Variants in ITGA6 observed in about 807,000 individuals in gnomAD.
ITGA6 encodes the protein integrin alpha-6.
A neutral mutation model predicts 133.6 loss-of-function variants in ITGA6; 63 were observed. The ratio of observed to expected loss-of-function variants is 0.47; its 90% CI spans 0.38 to 0.58. The LOEUF (loss-of-function observed/expected upper bound fraction) is 0.58. Ranked by LOEUF, ITGA6 falls within the 20% of genes least tolerant of loss-of-function variation. The pLI, the probability that ITGA6 is intolerant of heterozygous loss-of-function variation, is 0.00. For synonymous variants in ITGA6, 434 were observed against 482.0 expected (o/e 0.90, Z 1.30); for missense variants, 1,068 against 1,309.4 (o/e 0.82, Z 2.85).
chr2:172,456,480 C>T (rs938426875), intron 1 of ITGA6, among the ~76,000 whole-genome samples: 3 of 152,190 alleles, frequency 2.0e-5, no homozygotes, highest in East Asian at 1.9e-4. Flanking sequence ...AACTAGGACA[C>T]GTTTAATGAA....
chr2:172,449,130 G>A (rs1684882276), intron 1 of ITGA6, among the ~76,000 whole-genome samples: 1 of 152,196 alleles, frequency 6.6e-6, no homozygotes, highest in South Asian at 2.1e-4. Context: ...GATGGAGGAG[G>A]AGGGCTCCCA....
intron 1 of ITGA6, among the ~76,000 whole-genome samples, chr2:172,439,310 T>C (rs1684446827): frequency 1.3e-5 from 2 of 152,070 alleles, no homozygotes; most frequent in South Asian, 4.1e-4. Context: ...AATGGCCTTG[T>C]TGAATTGTCA....
At position 172,448,708 on chromosome 2, in the gene ITGA6, G is replaced by A. The variant is rs147440317; in HGVS notation, c.183-16831G>A. On this transcript the variant is annotated intron_variant, in intron 1 of 25. Coordinates refer to ENST00000684293, the MANE Select transcript of ITGA6 (RefSeq NM_000210.4). ...GCCTCAGCCTTTTAACCAACTTTCTGTGTAAACATGAAAATTCCGGGCTGG... is the reference window on the plus strand; with the variant it reads ...GCCTCAGCCTTTTAACCAACTTTCTATGTAAACATGAAAATTCCGGGCTGG... 4.5e-3 allele frequency among the ~76,000 whole-genome samples: 685 copies of A among 152,294 alleles called. 5 individuals carry two copies. Among genetic ancestry groups the A allele is most frequent in the African/African-American group, 0.016 (657 of 41,548 alleles).
intron 1 of ITGA6, among the ~76,000 whole-genome samples, chr2:172,431,558 T>C (rs1684106859): frequency 6.6e-6 from 1 of 152,188 alleles, no homozygotes; most frequent in African/African-American, 2.4e-5. Flanking sequence ...CATTCCCTTC[T>C]GAAAAAGCCC....
At chr2:172,450,077 C>G (rs759111411) in intron 1 of ITGA6, among the ~76,000 whole-genome samples, 2 of 152,112 alleles carry the variant, frequency 1.3e-5, no homozygotes, top group Non-Finnish European at 2.9e-5. Flanking sequence ...CTGCTATGTT[C>G]AAAGGACAGA....
intron 1 of ITGA6, among the ~76,000 whole-genome samples, chr2:172,462,171 A>G (rs1685452491): frequency 1.3e-5 from 2 of 152,012 alleles, no homozygotes; most frequent in Admixed American, 1.3e-4. Context: ...GGGTTCTGCC[A>G]CCTTATCGCG....
chr2:172,470,007 T>C (rs1053635448), intron 4 of ITGA6, among the ~76,000 whole-genome samples: 4 of 152,214 alleles, frequency 2.6e-5, no homozygotes, highest in East Asian at 1.9e-4. Flanking sequence ...TGTGTATGTA[T>C]AGAAAATGCT....
intron 24 of ITGA6, 124 bp downstream of exon 24, chr2:172,498,224 T>C (rs1687209613): frequency 1.0e-6 from 1 of 1,003,974 alleles, no homozygotes; most frequent in Non-Finnish European, 1.5e-6. Flanking sequence ...TATGAAACTC[T>C]TTTGACATAG....
intron 11 of ITGA6, among the ~76,000 whole-genome samples, chr2:172,484,175 A>G (rs1400880990): frequency 6.6e-6 from 1 of 152,216 alleles, no homozygotes; most frequent in Non-Finnish European, 1.5e-5. Context: ...TCTCTAAAAT[A>G]TATTATTCCT....
chr2:172,482,137 T>G (rs1319815395), intron 11 of ITGA6, among the ~76,000 whole-genome samples: 1 of 152,236 alleles, frequency 6.6e-6, no homozygotes, highest in Non-Finnish European at 1.5e-5. Flanking sequence ...AATACAGACT[T>G]TCTCCTAGCT....
In ITGA6 at chr2:172,427,604, T is replaced by C; in HGVS notation, c.-185T>C. ...AGAGAACAACGGGCTCATTCAGCGG[T>C]CGCGAGCTGCCCGCGAGGGGGAGCG... On this transcript the variant is annotated 5_prime_UTR_variant, in exon 1 of 26. Transcript: ENST00000684293. 1 of 1,274,810 alleles carries C rather than the reference T, an allele frequency of 7.8e-7. No homozygotes were observed. The highest frequency in any genetic ancestry group is 9.9e-7 in the Non-Finnish European group (1 of 1,014,184). 79.0% of individuals were successfully genotyped at this position (1,274,810 alleles called of 1,614,324 possible).
At chr2:172,456,778 C>A (rs1251322946) in intron 1 of ITGA6, among the ~76,000 whole-genome samples, 1 of 152,154 alleles carries the variant, frequency 6.6e-6, no homozygotes, top group Non-Finnish European at 1.5e-5. Context: ...TCTTTATAAT[C>A]CAAATACAAA....
chr2:172,458,065 A>G (rs1950099), intron 1 of ITGA6, among the ~76,000 whole-genome samples: 22,521 of 151,764 alleles, frequency 0.15, 3,068 homozygotes, highest in African/African-American at 0.37. Context: ...GTCCACAGAG[A>G]CCAGGTGATT....
intron 1 of ITGA6, among the ~76,000 whole-genome samples, chr2:172,462,207 C>T (rs1685455956): frequency 6.6e-6 from 1 of 152,196 alleles, no homozygotes; most frequent in African/African-American, 2.4e-5. Context: ...CCGGGCGCAA[C>T]TGGAGCAGGG....
intron 24 of ITGA6, among the ~76,000 whole-genome samples, chr2:172,500,789 G>T (rs1574420663): frequency 6.6e-6 from 1 of 152,326 alleles, no homozygotes; most frequent in East Asian, 1.9e-4. Flanking sequence ...ATCCAGTATG[G>T]TAGCCATTAG....
intron 16 of ITGA6, 43 bp downstream of exon 16, chr2:172,487,673 C>T (rs770640346): frequency 1.9e-6 from 3 of 1,592,328 alleles, no homozygotes; most frequent in South Asian, 2.2e-5. Context: ...GTTTTAAATA[C>T]CATTGCAGTG....
chr2:172,505,632 C>T lies in ITGA6; in HGVS notation c.*1564C>T, dbSNP rs1428517657. ...TGTTAAGTTATATGGGGAGCAACAG[C>T]AAACAGGTGCTAATTTGTTTTGGAT... On this transcript the variant is annotated 3_prime_UTR_variant, in exon 26 of 26. Coordinates refer to ENST00000684293, the MANE Select transcript of ITGA6 (RefSeq NM_000210.4). 1 of 152,508 alleles carries T rather than the reference C, an allele frequency of 6.6e-6. No homozygotes were observed. Among genetic ancestry groups the T allele is most frequent in the African/African-American group, 2.4e-5 (1 of 41,438 alleles). 9.4% of individuals were successfully genotyped at this position (152,508 alleles called of 1,614,324 possible).
chr2:172,438,732 A>G (rs1221019761), intron 1 of ITGA6, among the ~76,000 whole-genome samples: 1 of 150,908 alleles, frequency 6.6e-6, no homozygotes, highest in Non-Finnish European at 1.5e-5. Flanking sequence ...TAATTCCCTC[A>G]CACTGGGGAG....
chr2:172,500,732 C>G lies in ITGA6; in HGVS notation c.3115-1040C>G, dbSNP rs191992572. Among the ~76,000 whole-genome samples the G allele has an allele frequency of 3.1e-3, 467 of 152,364 alleles. 3 individuals are homozygous for G. Among genetic ancestry groups the G allele is most frequent in the African/African-American group, 0.011 (457 of 41,588 alleles). On this transcript the variant is annotated intron_variant, in intron 24 of 25. Transcript: ENST00000684293. Reference sequence around the variant, plus strand: ...ATTTACTAGCACATATTATTGAAAGCTGCCCAACAAAACTCTATACTGATG... The same window carrying G: ...ATTTACTAGCACATATTATTGAAAGGTGCCCAACAAAACTCTATACTGATG...
Sources: gnomAD v4.1 joint callset for allele counts (sites outside exome capture counted in the v4.1 genomes callset) on GRCh38, gnomAD v4.1.1 for gene constraint, MANE v1.5 for transcripts, NCBI Gene and HGNC (gene_info 2026-07-23, HGNC 2026-07-21) for gene names.